Variants in GPR55 observed in about 807,000 individuals in gnomAD.
GPR55 encodes G protein-coupled receptor 55.
A neutral mutation model predicts 7.9 loss-of-function variants in GPR55; 6 were observed. That is an observed-to-expected ratio of 0.76 (90% CI 0.41 to 1.49). The LOEUF (loss-of-function observed/expected upper bound fraction) is 1.49, where lower values mean the gene tolerates loss of function less well. Among genes scored for constraint, GPR55 ranks in the 40% most tolerant of loss-of-function variants. The pLI is 0.01. For synonymous variants in GPR55, 183 were observed against 166.8 expected (o/e 1.10, Z -0.75); for missense variants, 376 against 406.0 (o/e 0.93, Z 0.63).
Position 230,948,175 on chromosome 2 carries a change from C to A in GPR55, c.-135+12600G>T, listed in dbSNP as rs1041250098. On this transcript the variant is annotated intron_variant, in intron 1 of 1. Coordinates refer to the GPR55 transcript ENST00000392039. ...CAGCCCCTATGCTTGGTCTGTGTCT[C>A]CCGCAGGCCTCTGACAACAGCTGCT... Among the ~76,000 whole-genome samples the A allele has an allele frequency of 6.4e-4, 98 of 151,960 alleles. 1 individual carries two copies. Among genetic ancestry groups the A allele is most frequent in the African/African-American group, 2.0e-3 (81 of 41,466 alleles).
chr2:230,933,101 T>C (rs900798727), intron 1 of GPR55, among the ~76,000 whole-genome samples: 2 of 72,900 alleles, frequency 2.7e-5, no homozygotes, highest in Non-Finnish European at 5.7e-5. Flanking sequence ...CCTTCCCTGC[T>C]ACCCTCCATC....
chr2:230,955,990 G>A (rs1377098446), intron 1 of GPR55, among the ~76,000 whole-genome samples: 7 of 152,112 alleles, frequency 4.6e-5, no homozygotes, highest in Non-Finnish European at 8.8e-5. Context: ...GCCTCCCAAA[G>A]TGCTGAGATT....
chr2:230,946,284 A>G (rs148086203), intron 1 of GPR55, among the ~76,000 whole-genome samples: 36 of 152,284 alleles, frequency 2.4e-4, no homozygotes, highest in African/African-American at 8.2e-4. Flanking sequence ...CTGGAGATCT[A>G]TTGTATATAA....
chr2:230,922,378 ATTTG>A lies in GPR55; in HGVS notation c.-135+2786_-135+2789del, dbSNP rs1381525306. Among the ~76,000 whole-genome samples the A allele has an allele frequency of 2.0e-5, 3 of 151,436 alleles. No homozygotes were observed. In the East Asian group the frequency reaches 5.8e-4, roughly 29 times the overall value. Reference sequence around the variant, plus strand: ...CCGGAGCCCTGGCCTCAATGTGCTGATTTGTTTGTTTGTTTAAGTTAGCATCTTG... The same window carrying A: ...CCGGAGCCCTGGCCTCAATGTGCTGATTTGTTTGTTTAAGTTAGCATCTTG... On this transcript the variant is annotated intron_variant, in intron 1 of 1. Transcript: ENST00000650999.
chr2:230,922,216 G>A (rs1690854039), intron 1 of GPR55, among the ~76,000 whole-genome samples: 1 of 152,216 alleles, frequency 6.6e-6, no homozygotes, highest in Non-Finnish European at 1.5e-5. Flanking sequence ...AATGTTTGGT[G>A]AAAAGGAGAG....
chr2:230,916,642 G>T (rs1464913444), intron 1 of GPR55, among the ~76,000 whole-genome samples: 1 of 151,978 alleles, frequency 6.6e-6, no homozygotes, highest in Non-Finnish European at 1.5e-5. Context: ...GACAATGGAG[G>T]GTAATAGTAA....
intron 1 of GPR55, among the ~76,000 whole-genome samples, chr2:230,956,979 C>CT (rs1691492404): frequency 2.0e-5 from 3 of 151,254 alleles, no homozygotes; most frequent in Non-Finnish European, 4.4e-5. Flanking sequence ...GCAGAGAGTA[C>CT]CAAGCCTGAC....
chr2:230,932,050 C>T (rs1214221554), intron 1 of GPR55, among the ~76,000 whole-genome samples: 1 of 152,170 alleles, frequency 6.6e-6, no homozygotes, highest in Non-Finnish European at 1.5e-5. Context: ...ACAGCCTGGC[C>T]TCCAACTTCA....
chr2:230,947,503 CTTT>C (rs1324311132), intron 1 of GPR55, among the ~76,000 whole-genome samples: 14 of 135,286 alleles, frequency 1.0e-4, no homozygotes, highest in Non-Finnish European at 1.1e-4. Flanking sequence ...ACTTTATGAC[CTTT>C]TTTTTTTTTT....
At chr2:230,938,858 A>T (rs1322776767) in intron 1 of GPR55, among the ~76,000 whole-genome samples, 7 of 152,126 alleles carry the variant, frequency 4.6e-5, no homozygotes, top group Non-Finnish European at 1.5e-5. Context: ...GAGAGCCTCG[A>T]GTCTAGCTGC....
In GPR55 at chr2:230,936,895, A is replaced by G. The variant is rs550291753; in HGVS notation, c.-135+23880T>C. Among the ~76,000 whole-genome samples the G allele has an allele frequency of 3.3e-5, 5 of 152,320 alleles. No homozygotes were observed. The South Asian group carries it at 1.0e-3, about 32-fold the overall frequency. ...AAGGGGAAAGTAATTTATATTTATG[A>G]TTCTTCTTTTTATGCTTGTATACAA... is the stretch of plus-strand genomic sequence containing the variant. On this transcript the variant is annotated intron_variant, in intron 1 of 1. Coordinates refer to the GPR55 transcript ENST00000392039.
At chr2:230,946,919 A>G (rs1691326747) in intron 1 of GPR55, among the ~76,000 whole-genome samples, 1 of 152,268 alleles carries the variant, frequency 6.6e-6, no homozygotes, top group South Asian at 2.1e-4. Flanking sequence ...ACACCAAACT[A>G]GAGAGCAGAA....
chr2:230,951,302 C>A (rs192066487), intron 1 of GPR55, among the ~76,000 whole-genome samples: 8 of 152,278 alleles, frequency 5.3e-5, no homozygotes, highest in Non-Finnish European at 8.8e-5. Context: ...GACAACCCCC[C>A]ACACATCTGG....
rs34229723 is a variant in GPR55 at position 230,910,319 on chromosome 2, G to T, written c.644C>A (p.Thr215Asn). 1,696 of 1,614,066 alleles carry T rather than the reference G, an allele frequency of 1.1e-3. 17 individuals carry two copies. In the African/African-American group the frequency reaches 0.019, roughly 19 times the overall value. The change falls in exon 2 of 2, where the codon ACC becomes AAC. Residue 215 changes from threonine (T) to asparagine (N), a missense_variant. Physicochemically the swap from Thr to Asn is moderately conservative, Grantham distance 65 (BLOSUM62 0). Coordinates refer to ENST00000650999, the MANE Select transcript of GPR55 (RefSeq NM_005683.4). The surrounding 1 kb of genome is among the most constrained non-coding windows in gnomAD (Gnocchi z 5.4). ...GGCTTTCTGCTGCACCCAGTCCTGG[G>T]TGTGGTCTCGGCGGCCCAGCAGGAT... ...IHILLGRRDHTQDWVQQKACI... is the reference protein window; with the variant it reads ...IHILLGRRDHNQDWVQQKACI...
chr2:230,921,498 T>C (rs1344840687), intron 1 of GPR55, among the ~76,000 whole-genome samples: 1 of 152,232 alleles, frequency 6.6e-6, no homozygotes, highest in Admixed American at 6.5e-5. Context: ...TTAGCTGCAG[T>C]GCCATATTAA....
intron 1 of GPR55, among the ~76,000 whole-genome samples, chr2:230,954,887 C>T (rs1006888983): frequency 6.6e-6 from 1 of 152,214 alleles, no homozygotes; most frequent in East Asian, 1.9e-4. Flanking sequence ...TCATGACAGA[C>T]ATCACTAATC....
chr2:230,943,301 G>A (rs368154911), intron 1 of GPR55, among the ~76,000 whole-genome samples: 9 of 152,114 alleles, frequency 5.9e-5, no homozygotes, highest in South Asian at 2.1e-4. Context: ...CAGACTGCCC[G>A]AGAGCTTGGC....
At chr2:230,912,533 G>A (rs1471780433) in intron 1 of GPR55, among the ~76,000 whole-genome samples, 3 of 152,140 alleles carry the variant, frequency 2.0e-5, no homozygotes, top group African/African-American at 4.8e-5. Flanking sequence ...CAGTTCAAGC[G>A]ATTCTCCTGC....
chr2:230,957,953 G>T, intron 1 of GPR55: 1 of 470,522 alleles, frequency 2.1e-6, no homozygotes, highest in South Asian at 1.7e-5. Flanking sequence ...AGCAGCAATT[G>T]AACAATCTTG....
Sources: allele counts gnomAD v4.1 joint callset (sites outside exome capture counted in the v4.1 genomes callset), GRCh38; gene constraint gnomAD v4.1.1; non-coding constraint Gnocchi (gnomAD v3.1); transcripts MANE v1.5; gene names NCBI Gene and HGNC (gene_info 2026-07-23, HGNC 2026-07-21).